The following GABRG3 variants were observed in gnomAD, a reference collection of about 807,000 sequenced individuals.
The protein encoded by GABRG3 is gamma-aminobutyric acid receptor subunit gamma-3.
Under a neutral mutation model 48.8 loss-of-function variants are expected in GABRG3, and 25 were observed. That is an observed-to-expected ratio of 0.51 (90% confidence interval 0.37 to 0.72). GABRG3 has a LOEUF of 0.72. Ranked by LOEUF, GABRG3 falls within the 30% of genes least tolerant of loss-of-function variation. The pLI, the probability that GABRG3 is intolerant of heterozygous loss-of-function variation, is 0.00. For synonymous variants in GABRG3, 227 were observed against 217.6 expected, an observed-to-expected ratio of 1.04 and a Z score of -0.38; for missense variants, 394 against 577.9, an observed-to-expected ratio of 0.68 and a Z score of 3.26.
intron 3 of GABRG3, among the ~76,000 whole-genome samples, chr15:27,194,057 T>C (rs1888419604): frequency 6.6e-6 from 1 of 152,222 alleles, no homozygotes; most frequent in Admixed American, 6.5e-5. Context: ...TTATAATGTC[T>C]TTCAATATTT....
chr15:27,002,987 CAATA>C (rs971295751), intron 2 of GABRG3, among the ~76,000 whole-genome samples: 2 of 150,164 alleles, frequency 1.3e-5, no homozygotes, highest in African/African-American at 4.9e-5. Flanking sequence ...AAATAAAATA[CAATA>C]AATAAACAAA....
intron 3 of GABRG3, among the ~76,000 whole-genome samples, chr15:27,309,238 TTATA>T (rs769137486): frequency 1.9e-4 from 28 of 150,862 alleles, no homozygotes; most frequent in Admixed American, 3.3e-4. Flanking sequence ...AAACATATAT[TTATA>T]TATAAACACA....
intron 3 of GABRG3, among the ~76,000 whole-genome samples, chr15:27,108,468 G>C (rs2140369024): frequency 6.6e-6 from 1 of 152,264 alleles, no homozygotes; most frequent in Non-Finnish European, 1.5e-5. Context: ...TCAGTGCATG[G>C]TCTATTAAGA....
intron 5 of GABRG3, among the ~76,000 whole-genome samples, chr15:27,346,351 A>G (rs1379100146): frequency 6.6e-6 from 1 of 152,178 alleles, no homozygotes; most frequent in East Asian, 1.9e-4. Context: ...TTTTTCCAAA[A>G]TTGACTGTTT....
rs1311182760 is a variant in GABRG3 at position 27,447,481 on chromosome 15, A to G, written c.575-33169A>G. ...GAAGTGTCCAAGTGGGGGAGATGCC[A>G]TAATTATAGTGAGAAATTAGAAGAC... On this transcript the variant is annotated intron_variant, in intron 5 of 9. Coordinates refer to ENST00000615808, the MANE Select transcript of GABRG3 (RefSeq NM_033223.5). The surrounding 1 kb of genome is among the most constrained non-coding windows in gnomAD (Gnocchi z 4.0). Among the ~76,000 whole-genome samples, 2 of 152,188 alleles carry G rather than the reference A, an allele frequency of 1.3e-5. No individual in the cohort carries two copies. Among genetic ancestry groups the G allele is most frequent in the Non-Finnish European group, 2.9e-5 (2 of 68,036 alleles).
intron 5 of GABRG3, among the ~76,000 whole-genome samples, chr15:27,446,097 C>A (rs1888936901): frequency 1.3e-5 from 2 of 152,222 alleles, no homozygotes; most frequent in Admixed American, 6.5e-5. Flanking sequence ...CAACTTCATT[C>A]TTCTTTTTCT....
intron 5 of GABRG3, among the ~76,000 whole-genome samples, chr15:27,348,781 T>C (rs541851292): frequency 2.0e-5 from 3 of 152,316 alleles, no homozygotes; most frequent in East Asian, 3.9e-4. Context: ...AAAGTCAGGA[T>C]TGGACACACA....
At chr15:27,313,311 C>CA (rs1893094089) in intron 3 of GABRG3, among the ~76,000 whole-genome samples, 4 of 55,560 alleles carry the variant, frequency 7.2e-5, no homozygotes, top group Admixed American at 2.6e-4. Flanking sequence ...TATATATATA[C>CA]CCAACATCAG....
intron 2 of GABRG3, among the ~76,000 whole-genome samples, chr15:27,022,486 G>A (rs117647047): frequency 0.012 from 1,807 of 152,292 alleles, 14 homozygotes; most frequent in Non-Finnish European, 0.017. Context: ...CAGGAGAGGG[G>A]CTGAGGCGAG....
chr15:27,031,419 T>C (rs1024534870), intron 3 of GABRG3, among the ~76,000 whole-genome samples: 1 of 152,204 alleles, frequency 6.6e-6, no homozygotes, highest in Admixed American at 6.5e-5. Flanking sequence ...AATTATACAA[T>C]AGTCAACCTT....
intron 3 of GABRG3, among the ~76,000 whole-genome samples, chr15:27,153,153 G>A (rs976145368): frequency 6.6e-5 from 10 of 152,198 alleles, no homozygotes; most frequent in East Asian, 1.9e-4. Context: ...GAGCCACGGC[G>A]CCTGGCCTGA....
chr15:27,054,170 C>T (rs955890168), intron 3 of GABRG3, among the ~76,000 whole-genome samples: 4 of 150,966 alleles, frequency 2.6e-5, no homozygotes, highest in African/African-American at 4.9e-5. Context: ...GCCCGGGAGG[C>T]GGAGGTTGCA....
intron 2 of GABRG3, among the ~76,000 whole-genome samples, chr15:27,004,452 C>T (rs1476260589): frequency 1.3e-5 from 2 of 151,270 alleles, no homozygotes; most frequent in African/African-American, 2.4e-5. Context: ...GAGACGCTCC[C>T]CACTTTCCGG....
chr15:27,472,562 C>T (rs112909545), intron 5 of GABRG3, among the ~76,000 whole-genome samples: 11,946 of 152,168 alleles, frequency 0.079, 730 homozygotes, highest in African/African-American at 0.17. Context: ...AGGTGTGAGC[C>T]ACCGCTCCTG....
intron 3 of GABRG3, among the ~76,000 whole-genome samples, chr15:27,146,071 G>A (rs1245717768): frequency 6.6e-6 from 1 of 152,018 alleles, no homozygotes; most frequent in African/African-American, 2.4e-5. Flanking sequence ...AACAGAAAAC[G>A]TATCACTAGC....
At chr15:27,433,881 G>C (rs1357546291) in intron 5 of GABRG3, among the ~76,000 whole-genome samples, 1 of 152,068 alleles carries the variant, frequency 6.6e-6, no homozygotes, top group African/African-American at 2.4e-5. Flanking sequence ...ATTTCAAGTC[G>C]ACCTTGTGTC....
chr15:27,307,228 TATATTATATGTTTATATATAACCATGTTC>T (rs1566770625), intron 3 of GABRG3, among the ~76,000 whole-genome samples: 5 of 127,414 alleles, frequency 3.9e-5, no homozygotes, highest in Non-Finnish European at 7.0e-5. Flanking sequence ...TAACCATGTT[TATATTATATGTTTATATATAACCATGTTC>T]ATATTATATG....
chr15:27,503,668 A>G (rs1036201360), intron 6 of GABRG3, among the ~76,000 whole-genome samples: 2 of 152,214 alleles, frequency 1.3e-5, no homozygotes, highest in Non-Finnish European at 2.9e-5. Context: ...AGAGTGTTCT[A>G]TAAATGCAAA....
At chr15:27,252,060 A>G (rs1391385280) in intron 3 of GABRG3, among the ~76,000 whole-genome samples, 1 of 152,140 alleles carries the variant, frequency 6.6e-6, no homozygotes, top group Non-Finnish European at 1.5e-5. Flanking sequence ...ATCTGTCATT[A>G]TTTGTTAAAA....
Sources: gnomAD v4.1 joint callset for allele counts (sites outside exome capture counted in the v4.1 genomes callset) on GRCh38, gnomAD v4.1.1 for gene constraint, Gnocchi (gnomAD v3.1) non-coding constraint, MANE v1.5 for transcripts, NCBI Gene and HGNC (gene_info 2026-07-23, HGNC 2026-07-21) for gene names.